Variants in NSMCE1 observed in about 807,000 individuals in gnomAD.
NSMCE1 encodes NSE1 component of SMC5/6 complex.
NSMCE1 carries 18 observed loss-of-function variants against 29.6 expected under a neutral mutation model. That is an observed-to-expected ratio of 0.61 (90% CI 0.42 to 0.90). NSMCE1 has a LOEUF of 0.90. NSMCE1 is among the 40% of genes least tolerant of loss of function. NSMCE1 has a pLI of 0.00. For synonymous variants in NSMCE1, 124 were observed against 133.4 expected, an observed-to-expected ratio of 0.93 and a Z score of 0.49; for missense variants, 314 against 343.6, an observed-to-expected ratio of 0.91 and a Z score of 0.68.
At chr16:27,234,354 C>A in intron 3 of NSMCE1, 89 bp from the exon 4 acceptor site, 1 of 866,702 alleles carries the variant, frequency 1.2e-6, no homozygotes. Flanking sequence ...CCTCCTCCAT[C>A]TCTGGCCAGT....
At chr16:27,259,181 A>G (rs1041011527) in intron 1 of NSMCE1, among the ~76,000 whole-genome samples, 1 of 152,046 alleles carries the variant, frequency 6.6e-6, no homozygotes, top group South Asian at 2.1e-4. Context: ...AACAAAGCCT[A>G]CGTTAGACTC....
At chr16:27,239,120 C>A (rs1398626172) in intron 2 of NSMCE1, among the ~76,000 whole-genome samples, 1 of 152,240 alleles carries the variant, frequency 6.6e-6, no homozygotes, top group Non-Finnish European at 1.5e-5. Flanking sequence ...GATCTGCCCA[C>A]CTGTCTCCCC....
chr16:27,264,615 C>T (rs2084199385), intron 1 of NSMCE1, among the ~76,000 whole-genome samples: 1 of 152,072 alleles, frequency 6.6e-6, no homozygotes, highest in African/African-American at 2.4e-5. Context: ...TTACCTCATA[C>T]TATATACAAA....
intron 2 of NSMCE1, among the ~76,000 whole-genome samples, chr16:27,248,644 C>T (rs2083985897): frequency 6.6e-6 from 1 of 151,886 alleles, no homozygotes; most frequent in Non-Finnish European, 1.5e-5. Context: ...CTCCTGACCT[C>T]GTGATCCACC....
intron 2 of NSMCE1, 36 bp downstream of exon 2, chr16:27,257,399 A>T (rs1380943010): frequency 6.3e-7 from 1 of 1,578,918 alleles, no homozygotes; most frequent in Non-Finnish European, 8.6e-7. Flanking sequence ...TCAACACAGC[A>T]CCAGAGCGCC....
At chr16:27,242,181 C>A (rs1265775255) in intron 2 of NSMCE1, among the ~76,000 whole-genome samples, 2 of 152,190 alleles carry the variant, frequency 1.3e-5, no homozygotes, top group African/African-American at 4.8e-5. Context: ...TGTAAAAATA[C>A]TTCAGTGCTC....
chr16:27,264,732 G>A (rs1467772486), intron 1 of NSMCE1, among the ~76,000 whole-genome samples: 2 of 152,068 alleles, frequency 1.3e-5, no homozygotes, highest in African/African-American at 4.8e-5. Context: ...ATTTCTTTAA[G>A]AGATATAAAA....
intron 2 of NSMCE1, among the ~76,000 whole-genome samples, chr16:27,237,266 G>A (rs1281176893): frequency 6.6e-6 from 1 of 152,262 alleles, no homozygotes; most frequent in African/African-American, 2.4e-5. Flanking sequence ...GCAGGCATCA[G>A]GAGGGAGGCA....
At chr16:27,225,676 C>T (rs781546447) in intron 7 of NSMCE1, 50 bp downstream of exon 7, 63 of 1,609,180 alleles carry the variant, frequency 3.9e-5, no homozygotes, top group Admixed American at 5.0e-5. Context: ...CACCAGGCCC[C>T]ACGTCCTGCT....
At chr16:27,266,417 A>G (rs1466720980) in intron 1 of NSMCE1, 1 of 152,146 alleles carries the variant, frequency 6.6e-6, no homozygotes, top group African/African-American at 2.4e-5. Flanking sequence ...GAATGGTGGG[A>G]TTAGCATAGA....
chr16:27,227,910 T>G (rs1168960722), intron 5 of NSMCE1, among the ~76,000 whole-genome samples: 2 of 151,850 alleles, frequency 1.3e-5, no homozygotes, highest in Non-Finnish European at 2.9e-5. Context: ...CTCAGCCTCC[T>G]GAGTAGCTGG....
chr16:27,266,741 C>T (rs889485442), intron 1 of NSMCE1: 1 of 151,798 alleles, frequency 6.6e-6, no homozygotes, highest in Non-Finnish European at 1.5e-5. Flanking sequence ...ACCAAAACAT[C>T]AAAGAAAATA....
At chr16:27,250,509 G>C (rs2084013977) in intron 2 of NSMCE1, among the ~76,000 whole-genome samples, 1 of 151,114 alleles carries the variant, frequency 6.6e-6, no homozygotes, top group African/African-American at 2.4e-5. Context: ...TCTGTGTAGA[G>C]GGCCAGGCGC....
intron 2 of NSMCE1, among the ~76,000 whole-genome samples, chr16:27,256,085 T>G (rs2084083921): frequency 6.6e-6 from 1 of 152,182 alleles, no homozygotes; most frequent in Non-Finnish European, 1.5e-5. Context: ...TTTTTTTGTG[T>G]CCCTTCACCT....
intron 2 of NSMCE1, among the ~76,000 whole-genome samples, chr16:27,243,788 C>A (rs1371508850): frequency 6.6e-6 from 1 of 152,146 alleles, no homozygotes; most frequent in African/African-American, 2.4e-5. Context: ...GTAGCTGGGA[C>A]TACAAGCACG....
chr16:27,234,766 T>TG (rs1330658322), intron 3 of NSMCE1, among the ~76,000 whole-genome samples: 1 of 152,210 alleles, frequency 6.6e-6, no homozygotes, highest in Non-Finnish European at 1.5e-5. Flanking sequence ...TAGCCAGGGA[T>TG]GGGGCATGTC....
chr16:27,257,553 C>G lies in NSMCE1; in HGVS notation c.18G>C (p.Arg6Ser), dbSNP rs1567283831. The G allele has an allele frequency of 6.2e-7, 1 of 1,613,280 alleles. No individual in the cohort carries two copies. Among genetic ancestry groups the G allele is most frequent in the African/African-American group, 1.3e-5 (1 of 75,024 alleles). The change falls in exon 2 of 8, where the codon AGG (arginine) becomes AGC (serine). Residue 6 changes from arginine to serine, a missense_variant. Coordinates refer to ENST00000361439, the MANE Select transcript of NSMCE1 (RefSeq NM_145080.4). ...GGACATCAGTCATGACGCCCATTCT[C>G]CTTGTGCTGCCCTGCATGTGGGAAC... is the stretch of plus-strand genomic sequence containing the variant. The part of the protein sequence containing the change: MQGST[R>S]RMGVMTDVHR...
intron 2 of NSMCE1, among the ~76,000 whole-genome samples, chr16:27,254,799 C>G (rs562307303): frequency 6.8e-6 from 1 of 146,166 alleles, no homozygotes; most frequent in South Asian, 2.2e-4. Context: ...GTTGCTCAGG[C>G]TGAAGACAAG....
At chr16:27,235,360 C>T in intron 2 of NSMCE1, 61 bp from the exon 3 acceptor site, 1 of 1,588,812 alleles carries the variant, frequency 6.3e-7, no homozygotes, top group South Asian at 1.1e-5. Context: ...AAAAATGTAG[C>T]TTGCTTGAAT....
Sources: allele counts gnomAD v4.1 joint callset (sites outside exome capture counted in the v4.1 genomes callset), GRCh38; gene constraint gnomAD v4.1.1; transcripts MANE v1.5; gene names NCBI Gene and HGNC (gene_info 2026-07-23, HGNC 2026-07-21).